Variants in CDK14 observed in about 807,000 individuals in gnomAD.
CDK14 encodes cyclin dependent kinase 14, also known as cyclin-dependent kinase 14.
A neutral mutation model predicts 60.7 loss-of-function variants in CDK14; 34 were observed. That is an observed-to-expected ratio of 0.56 (90% CI 0.43 to 0.75). CDK14 has a LOEUF of 0.75. Ranked by LOEUF, CDK14 falls within the 30% of genes least tolerant of loss-of-function variation. The pLI, the probability that CDK14 is intolerant of heterozygous loss-of-function variation, is 0.00. For synonymous variants in CDK14, 197 were observed against 203.7 expected (o/e 0.97, Z 0.28); for missense variants, 482 against 564.1 (o/e 0.85, Z 1.47).
intron 14 of CDK14, among the ~76,000 whole-genome samples, chr7:91,170,031 T>G (rs1190124666): frequency 6.6e-6 from 1 of 152,214 alleles, no homozygotes; most frequent in East Asian, 1.9e-4. Context: ...ATAGAGGTCA[T>G]TATCCTGTTG....
chr7:90,631,511 C>G (rs1448389506), intron 2 of CDK14, among the ~76,000 whole-genome samples: 1 of 152,152 alleles, frequency 6.6e-6, no homozygotes, highest in African/African-American at 2.4e-5. Flanking sequence ...GATCCTTAGA[C>G]TAGGGGCCAC....
chr7:90,630,634 T>G (rs1799973546), intron 2 of CDK14, among the ~76,000 whole-genome samples: 2 of 152,200 alleles, frequency 1.3e-5, no homozygotes, highest in Non-Finnish European at 2.9e-5. Flanking sequence ...GTTTGTGGTA[T>G]TTGAATTATT....
chr7:90,698,495 C>A (rs1486175218), intron 2 of CDK14, among the ~76,000 whole-genome samples: 1 of 152,066 alleles, frequency 6.6e-6, no homozygotes, highest in Non-Finnish European at 1.5e-5. Flanking sequence ...GGGTGAGTCA[C>A]CAAATTTTAA....
chr7:90,636,678 T>A (rs952624281), intron 2 of CDK14, among the ~76,000 whole-genome samples: 37 of 152,154 alleles, frequency 2.4e-4, no homozygotes, highest in Non-Finnish European at 4.3e-4. Flanking sequence ...TCCCTCTTTT[T>A]CTGTTGATTG....
intron 2 of CDK14, among the ~76,000 whole-genome samples, chr7:90,721,929 G>A (rs1802469822): frequency 6.6e-6 from 1 of 152,148 alleles, no homozygotes; most frequent in Non-Finnish European, 1.5e-5. Flanking sequence ...TATTCAGATT[G>A]CTGACAAGTT....
chr7:90,937,077 T>C (rs147136441), intron 8 of CDK14, among the ~76,000 whole-genome samples: 1 of 152,096 alleles, frequency 6.6e-6, no homozygotes, highest in African/African-American at 2.4e-5. Flanking sequence ...AGACCTTGCC[T>C]CTTAAAAAAT....
intron 5 of CDK14, among the ~76,000 whole-genome samples, chr7:90,826,771 T>A (rs980870444): frequency 1.3e-5 from 2 of 152,184 alleles, no homozygotes; most frequent in Non-Finnish European, 2.9e-5. Context: ...AGTCCAGAGA[T>A]CCCATATACT....
intron 2 of CDK14, among the ~76,000 whole-genome samples, chr7:90,629,263 T>C (rs1799942320): frequency 6.6e-6 from 1 of 152,196 alleles, no homozygotes; most frequent in African/African-American, 2.4e-5. Context: ...TCAAGTCTGA[T>C]GCCACCCCAC....
In CDK14 at chr7:90,642,272, C is replaced by T. The variant is rs151164303; in HGVS notation, c.123+38023C>T. Among the ~76,000 whole-genome samples the T allele has an allele frequency of 2.1e-4, 32 of 152,338 alleles. 1 individual carries two copies. In the East Asian group the frequency reaches 5.6e-3, roughly 27 times the overall value. On this transcript the variant is annotated intron_variant, in intron 2 of 14. Transcript: ENST00000380050. ...GACATACTTTGCATTCTCAAATACA[C>T]ATGTGATGAACTGTTGCACATATCA...
At chr7:91,043,292 A>T (rs568071045) in intron 10 of CDK14, among the ~76,000 whole-genome samples, 1 of 152,354 alleles carries the variant, frequency 6.6e-6, no homozygotes, top group South Asian at 2.1e-4. Context: ...AACAGGGCTC[A>T]GATTCTGGCT....
At chr7:91,029,573 T>TCTCCTCTC (rs1796695687) in intron 10 of CDK14, among the ~76,000 whole-genome samples, 1 of 130,158 alleles carries the variant, frequency 7.7e-6, no homozygotes, top group Non-Finnish European at 1.6e-5. Context: ...GGCTTCCTTC[T>TCTCCTCTC]CTCTCCTCTC....
At chr7:90,799,336 A>T (rs1425653577) in intron 5 of CDK14, among the ~76,000 whole-genome samples, 1 of 152,176 alleles carries the variant, frequency 6.6e-6, no homozygotes, top group African/African-American at 2.4e-5. Context: ...TGAGGTTAGT[A>T]AAGTTAGGAT....
intron 6 of CDK14, among the ~76,000 whole-genome samples, chr7:90,873,272 T>C (rs762087396): frequency 6.6e-6 from 1 of 152,194 alleles, no homozygotes; most frequent in Non-Finnish European, 1.5e-5. Flanking sequence ...AGATGATCAA[T>C]AATTCCAGTT....
chr7:90,613,437 G>C (rs560685258), intron 2 of CDK14, among the ~76,000 whole-genome samples: 1 of 151,938 alleles, frequency 6.6e-6, no homozygotes, highest in South Asian at 2.1e-4. Context: ...GGCCGGGCCT[G>C]GTGGCAATCC....
intron 9 of CDK14, among the ~76,000 whole-genome samples, chr7:90,965,387 T>C (rs550015160): frequency 6.6e-6 from 1 of 152,302 alleles, no homozygotes; most frequent in South Asian, 2.1e-4. Context: ...CTAATTCTTC[T>C]GCATGTTAGA....
At chr7:90,686,017 A>G (rs535082603) in intron 2 of CDK14, among the ~76,000 whole-genome samples, 122 of 152,210 alleles carry the variant, frequency 8.0e-4, no homozygotes, top group African/African-American at 2.7e-3. Context: ...GTTTTATTCT[A>G]CATATTGAGT....
intron 13 of CDK14, 92 bp downstream of exon 13, chr7:91,112,773 T>C: frequency 4.5e-6 from 6 of 1,336,274 alleles, no homozygotes; most frequent in Non-Finnish European, 6.3e-6. Context: ...GATTCACATA[T>C]TTGTGTGTCC....
Position 90,612,664 on chromosome 7 carries a change from C to T in CDK14, c.123+8415C>T, listed in dbSNP as rs577098775. Among the ~76,000 whole-genome samples, 7 of 149,950 alleles carry T rather than the reference C, an allele frequency of 4.7e-5. No individual in the cohort carries two copies. In the South Asian group the frequency reaches 6.3e-4, roughly 14 times the overall value. On this transcript the variant is annotated intron_variant, in intron 2 of 14. Coordinates refer to ENST00000380050, the MANE Select transcript of CDK14 (RefSeq NM_001287135.2). ...GTGGGTACCTGTAATCCCAGCTACT[C>T]GGGAGGCTGAGGCAGGAAAATCGCC...
chr7:90,655,447 G>T (rs1341930944), intron 2 of CDK14, among the ~76,000 whole-genome samples: 1 of 151,948 alleles, frequency 6.6e-6, no homozygotes, highest in Non-Finnish European at 1.5e-5. Context: ...TCTGAAAAGG[G>T]GTTTATTTAA....
Sources: gnomAD v4.1 joint callset for allele counts (sites outside exome capture counted in the v4.1 genomes callset) on GRCh38, gnomAD v4.1.1 for gene constraint, MANE v1.5 for transcripts, NCBI Gene and HGNC (gene_info 2026-07-23, HGNC 2026-07-21) for gene names.